Variants in ELMO2 observed in about 807,000 individuals in gnomAD.
ELMO2 encodes the protein engulfment and cell motility protein 2.
ELMO2 carries 37 observed loss-of-function variants against 96.2 expected under a neutral mutation model. That is an observed-to-expected ratio of 0.38 (90% CI 0.30 to 0.51). ELMO2 has a LOEUF of 0.51. Among genes scored for constraint, ELMO2 ranks in the 20% least tolerant of loss-of-function variants. The probability of loss-of-function intolerance (pLI) is 0.88; values close to 1 mark genes in which losing one functional copy is unlikely to be tolerated. For synonymous variants in ELMO2, 315 were observed against 329.4 expected (o/e 0.96, Z 0.47); for missense variants, 561 against 912.6 (o/e 0.61, Z 4.96).
At chr20:46,377,153 T>C (rs1428240552) in intron 11 of ELMO2, among the ~76,000 whole-genome samples, 1 of 81,658 alleles carries the variant, frequency 1.2e-5, no homozygotes, top group Admixed American at 1.5e-4. Context: ...TCCAGTTTGG[T>C]AGCCCCCAGG....
Position 46,395,569 on chromosome 20 carries a change from C to T in ELMO2, c.-50-1037G>A, listed in dbSNP as rs532573825. Among the ~76,000 whole-genome samples, 11 of 152,284 alleles carry T rather than the reference C, an allele frequency of 7.2e-5. No homozygotes were observed. In the East Asian group the frequency reaches 9.6e-4, roughly 13 times the overall value. ...CTCCTGGCGTACAAAGCATAGCTGTCGCGAGGCTATTATGCATGTATGCTA... is the reference window on the plus strand; with the variant it reads ...CTCCTGGCGTACAAAGCATAGCTGTTGCGAGGCTATTATGCATGTATGCTA... On this transcript the variant is annotated intron_variant, in intron 2 of 21. Coordinates refer to ENST00000290246, the MANE Select transcript of ELMO2 (RefSeq NM_133171.5).
In ELMO2 at chr20:46,371,103, A is replaced by G. The variant is rs972145769; in HGVS notation, c.1801+249T>C. ...GGCTTCACAGCTTCTCCTCTTAACTACTGCCTTTCGACTTAGTCATGTACC... is the reference window on the plus strand; with the variant it reads ...GGCTTCACAGCTTCTCCTCTTAACTGCTGCCTTTCGACTTAGTCATGTACC... On this transcript the variant is annotated intron_variant, in intron 19 of 21. Coordinates refer to ENST00000290246, the MANE Select transcript of ELMO2 (RefSeq NM_133171.5). This position sits in a 1 kb window ranked among gnomAD's most constrained non-coding sequence, Gnocchi z 5.9. Among the ~76,000 whole-genome samples the G allele has an allele frequency of 1.3e-5, 2 of 152,198 alleles. No individual in the cohort carries two copies. The highest frequency in any genetic ancestry group is 4.8e-5 in the African/African-American group (2 of 41,442).
chr20:46,370,182 ATGAAACAGTG>A (rs1336883458), intron 20 of ELMO2: 13 of 612,694 alleles, frequency 2.1e-5, no homozygotes, highest in Middle Eastern at 2.5e-4. Context: ...ATATTTACAG[ATGAAACAGTG>A]TGATACTTGG....
chr20:46,388,751 G>A (rs145513881), intron 7 of ELMO2, among the ~76,000 whole-genome samples: 2 of 152,184 alleles, frequency 1.3e-5, no homozygotes, highest in South Asian at 2.1e-4. Flanking sequence ...CTGTCACGAC[G>A]TGACTGCTCT....
chr20:46,379,096 C>T (rs2059911367), intron 11 of ELMO2, among the ~76,000 whole-genome samples: 2 of 152,060 alleles, frequency 1.3e-5, no homozygotes, highest in Non-Finnish European at 2.9e-5. Flanking sequence ...GGGTTTCAAG[C>T]AATTCTCCTG....
rs1644961247 is a variant in ELMO2 at position 46,375,898 on chromosome 20, T to G, written c.808-108A>C. ...GTATGTTGGGAAGGGAACAGAGCTT[T>G]CCTCCCACACACGAGGACTTCATAT... On this transcript the variant is annotated intron_variant, in intron 11 of 21. Transcript: ENST00000290246. The surrounding 1 kb of genome is among the most constrained non-coding windows in gnomAD (Gnocchi z 4.6). 7.0e-7 allele frequency: 1 copy of G among 1,435,942 alleles called. No homozygotes were observed. Among genetic ancestry groups the G allele is most frequent in the Non-Finnish European group, 9.5e-7 (1 of 1,054,008 alleles). The allele number at this position is 1,435,942 out of a possible 1,614,324, so 89.0% of individuals were successfully genotyped here.
chr20:46,403,998 C>T (rs1250324823), intron 1 of ELMO2, among the ~76,000 whole-genome samples: 1 of 152,130 alleles, frequency 6.6e-6, no homozygotes, highest in Non-Finnish European at 1.5e-5. Context: ...GCACAAGAAT[C>T]GCTTGAACGT....
At chr20:46,370,586 T>G in intron 19 of ELMO2, 61 bp from the exon 20 acceptor site, 1 of 1,514,426 alleles carries the variant, frequency 6.6e-7, no homozygotes, top group South Asian at 1.1e-5. Flanking sequence ...AGTGCCTACA[T>G]CAGTGCTGGA....
In ELMO2 at chr20:46,367,407, T is replaced by C; in HGVS notation, c.2116A>G (p.Ile706Val). 1 of 1,587,146 alleles carries C rather than the reference T, an allele frequency of 6.3e-7. No individual in the cohort carries two copies. Among genetic ancestry groups the C allele is most frequent in the Non-Finnish European group, 8.6e-7 (1 of 1,167,454 alleles). ...TCATAGCTGCTGGGCTCCTTGGGGA[T>C]GGGGGGTGGGGCTTCGGGAATCTGG... ...NIQIPEAPPP[I>V]PKEPSSYDFV... The change falls in exon 22 of 22, where the codon ATC becomes GTC. Residue 706 changes from isoleucine to valine, a missense_variant. By Grantham distance (29) the Ile-to-Val change is conservative. Coordinates refer to ENST00000290246, the MANE Select transcript of ELMO2 (RefSeq NM_133171.5).
At position 46,371,576 on chromosome 20, in the gene ELMO2, C is replaced by T. The variant is rs899038794; in HGVS notation, c.1693+3G>A. 1.9e-6 allele frequency: 3 copies of T among 1,603,660 alleles called. No individual in the cohort carries two copies. Among genetic ancestry groups the T allele is most frequent in the Non-Finnish European group, 2.6e-6 (3 of 1,175,030 alleles). On this transcript the variant is annotated splice_donor_region_variant and intron_variant, in intron 18 of 21. Coordinates refer to ENST00000290246, the MANE Select transcript of ELMO2 (RefSeq NM_133171.5). This position sits in a 1 kb window ranked among gnomAD's most constrained non-coding sequence, Gnocchi z 5.9. ...CACCAAGGATTGCCCCGTCTCCTCT[C>T]ACCTTGCCTTCGGCGGTTCCCAATC...
chr20:46,377,702 G>A (rs938250744), intron 11 of ELMO2, among the ~76,000 whole-genome samples: 9 of 152,118 alleles, frequency 5.9e-5, no homozygotes, highest in Non-Finnish European at 8.8e-5. Flanking sequence ...CCCCTGAATC[G>A]GTGATCATGT....
intron 1 of ELMO2, among the ~76,000 whole-genome samples, chr20:46,401,015 T>C (rs2060326146): frequency 6.6e-6 from 1 of 152,310 alleles, no homozygotes; most frequent in Admixed American, 6.5e-5. Flanking sequence ...TTCCCCCTAT[T>C]CCTTTCAGGA....
chr20:46,400,483 G>A (rs1253497911), intron 1 of ELMO2, among the ~76,000 whole-genome samples: 1 of 152,216 alleles, frequency 6.6e-6, no homozygotes, highest in Non-Finnish European at 1.5e-5. Context: ...CTCTTGCTCC[G>A]CCACTCAGCA....
Position 46,398,729 on chromosome 20 carries a change from T to C in ELMO2, c.-83A>G, listed in dbSNP as rs2060288327. On this transcript the variant is annotated 5_prime_UTR_variant, in exon 2 of 22. Transcript: ENST00000290246. ...GTAAGGCAACTGAAGTTCAGACGGA[T>C]TGACAAACTTGTTCTCCATGTACCT... 1 of 152,186 alleles carries C rather than the reference T, an allele frequency of 6.6e-6. No homozygotes were observed. The highest frequency in any genetic ancestry group is 2.4e-5 in the African/African-American group (1 of 41,422). The allele number at this position is 152,186 out of a possible 1,614,324, so 9.4% of individuals were successfully genotyped here. A position where few individuals can be genotyped will look rare whatever the true frequency, so the allele number is the denominator to read the frequency against.
chr20:46,406,177 C>T (rs546285881), intron 1 of ELMO2, among the ~76,000 whole-genome samples: 264 of 152,206 alleles, frequency 1.7e-3, no homozygotes, highest in African/African-American at 5.9e-3. Context: ...CGCTCTCCGG[C>T]TTCTTCCCAG....
In ELMO2 at chr20:46,368,926, C is replaced by T. The variant is rs777509765; in HGVS notation, c.1927G>A (p.Glu643Lys). The change falls in exon 21 of 22, where the codon GAG becomes AAG. Residue 643 changes from glutamate (E) to lysine (K), a missense_variant. By Grantham distance (56) the Glu-to-Lys change is moderately conservative. Transcript: ENST00000290246. The stretch of plus-strand genomic sequence containing the variant: ...TTAGGTGCGATGAAGTTTAAGGTCT[C>T]ATCAGGGTCATACAGGATGGAGAAG... Reference protein sequence around the residue: ...LAFSILYDPDETLNFIAPNKY... With the variant: ...LAFSILYDPDKTLNFIAPNKY... 2.5e-6 allele frequency: 4 copies of T among 1,614,198 alleles called. No individual in the cohort carries two copies. In the Admixed American group the frequency reaches 5.0e-5, roughly 20 times the overall value.
chr20:46,389,184 A>G lies in ELMO2; in HGVS notation c.280T>C (p.Ser94Pro), dbSNP rs760666181. The G allele has an allele frequency of 1.2e-5, 19 of 1,614,138 alleles. No individual in the cohort carries two copies. The highest frequency in any genetic ancestry group is 1.6e-5 in the Non-Finnish European group (19 of 1,180,008). ...AARQLMERTQSSNMETRLDAM... is the reference protein window; with the variant it reads ...AARQLMERTQPSNMETRLDAM... Reference sequence around the variant, plus strand: ...TCCAGCCGGGTCTCCATGTTGGATGACTGGGTCCTCTCCATCAGCTGGCGT... The same window carrying G: ...TCCAGCCGGGTCTCCATGTTGGATGGCTGGGTCCTCTCCATCAGCTGGCGT... The change falls in exon 7 of 22, where the codon TCA becomes CCA. Residue 94 changes from serine (S) to proline (P), a missense_variant. Ser to Pro is a moderately conservative substitution (Grantham distance 74). Coordinates refer to ENST00000290246, the MANE Select transcript of ELMO2 (RefSeq NM_133171.5).
chr20:46,371,283 G>A lies in ELMO2; in HGVS notation c.1801+69C>T. On this transcript the variant is annotated intron_variant, in intron 19 of 21. Coordinates refer to ENST00000290246, the MANE Select transcript of ELMO2 (RefSeq NM_133171.5). The surrounding 1 kb of genome is among the most constrained non-coding windows in gnomAD (Gnocchi z 5.9). ...AAGCCCAGATGATCAGCTACAAACA[G>A]CTGGACTAGAACTCCTGTCTCCTGA... 1 of 1,477,878 alleles carries A rather than the reference G, an allele frequency of 6.8e-7. No individual in the cohort carries two copies. The highest frequency in any genetic ancestry group is 1.2e-5 in the South Asian group (1 of 85,914). The allele number at this position is 1,477,878 out of a possible 1,614,324, so 91.5% of individuals were successfully genotyped here.
Position 46,367,343 on chromosome 20 carries a change from C to T in ELMO2, c.*17G>A, listed in dbSNP as rs373827294. On this transcript the variant is annotated 3_prime_UTR_variant, in exon 22 of 22. Transcript: ENST00000290246. ...CAAAATCCCTTCTCCTGGGTACCGT[C>T]GTTTCTGGCTCCAGGCTCAGCCATA... 334 of 1,478,338 alleles carry T rather than the reference C, an allele frequency of 2.3e-4. 1 individual carries two copies. The highest frequency in any genetic ancestry group is 6.1e-5 in the Non-Finnish European group (68 of 1,112,656). 91.6% of individuals were successfully genotyped at this position (1,478,338 alleles called of 1,614,324 possible). A position where few individuals can be genotyped will look rare whatever the true frequency, so the allele number is the denominator to read the frequency against.
Sources: allele counts gnomAD v4.1 joint callset (sites outside exome capture counted in the v4.1 genomes callset), GRCh38; gene constraint gnomAD v4.1.1; non-coding constraint Gnocchi (gnomAD v3.1); transcripts MANE v1.5; gene names NCBI Gene and HGNC (gene_info 2026-07-23, HGNC 2026-07-21).